The following AGBL1 variants were observed in gnomAD, a reference collection of about 807,000 sequenced individuals.
The protein encoded by AGBL1 is AGBL carboxypeptidase 1.
AGBL1 carries 130 observed loss-of-function variants against 118.9 expected under a neutral mutation model. That is an observed-to-expected ratio of 1.09 (90% confidence interval 0.95 to 1.26). AGBL1 has a LOEUF of 1.26. AGBL1 is among the 50% of genes most tolerant of loss of function. The pLI is 0.00. For synonymous variants in AGBL1, 555 were observed against 478.9 expected (o/e 1.16, Z -2.08); for missense variants, 1,584 against 1,298.1 (o/e 1.22, Z -3.38).
At chr15:86,728,057 A>G (rs1403050120) in intron 22 of AGBL1, among the ~76,000 whole-genome samples, 1 of 152,218 alleles carries the variant, frequency 6.6e-6, no homozygotes. Context: ...AGCATGTACA[A>G]TGAACCTATA....
chr15:86,825,883 GGATGGATAGATA>G lies in AGBL1; in HGVS notation c.3159-81200_3159-81189del, dbSNP rs202021376. On this transcript the variant is annotated intron_variant, in intron 22 of 22. Transcript: ENST00000614907. ...GGTAGAAATGTGACAGATGATAGAT[GGATGGATAGATA>G]GATAGATAGATAGATAGATAGATAG... is the stretch of plus-strand genomic sequence containing the variant. 1.3e-3 allele frequency among the ~76,000 whole-genome samples: 148 copies of G among 114,794 alleles called. 2 individuals carry two copies. Among genetic ancestry groups the G allele is most frequent in the Admixed American group, 3.0e-3 (33 of 10,832 alleles). 75.3% of individuals were successfully genotyped at this position (114,794 alleles called of 152,430 possible).
chr15:86,530,374 A>G (rs1596231916), intron 19 of AGBL1, among the ~76,000 whole-genome samples: 1 of 137,232 alleles, frequency 7.3e-6, no homozygotes, highest in East Asian at 2.1e-4. Context: ...GCCATTACAT[A>G]ATGGTAAAGG....
In AGBL1 at chr15:86,278,130, G is replaced by T. The variant is rs147077176; in HGVS notation, c.2076-1509G>T. Among the ~76,000 whole-genome samples, 1,056 of 152,318 alleles carry T rather than the reference G, an allele frequency of 6.9e-3. 9 individuals are homozygous for T. The highest frequency in any genetic ancestry group is 0.01 in the Non-Finnish European group (699 of 68,038). ...AACCAGAGTCATAGCTTTTGGAGAA[G>T]CTTCAGAACTTTGGGGCAATCTGGC... On this transcript the variant is annotated intron_variant, in intron 15 of 22. Coordinates refer to ENST00000614907, the MANE Select transcript of AGBL1 (RefSeq NM_001386094.1).
At chr15:86,676,183 A>C (rs1188256148) in intron 22 of AGBL1, among the ~76,000 whole-genome samples, 1 of 152,188 alleles carries the variant, frequency 6.6e-6, no homozygotes, top group Non-Finnish European at 1.5e-5. Context: ...GGATGTGATT[A>C]ATATGTCTAC....
At chr15:86,759,444 A>C (rs77259102) in intron 22 of AGBL1, among the ~76,000 whole-genome samples, 20,142 of 152,124 alleles carry the variant, frequency 0.13, 1,410 homozygotes, top group East Asian at 0.23. Flanking sequence ...TAAACAAGGT[A>C]AGCTAGGCAA....
At chr15:86,504,883 G>A (rs1285980438) in intron 18 of AGBL1, among the ~76,000 whole-genome samples, 1 of 151,558 alleles carries the variant, frequency 6.6e-6, no homozygotes, top group Non-Finnish European at 1.5e-5. Flanking sequence ...GTGGATTCTT[G>A]TTACTGTCTA....
At chr15:86,234,385 T>A (rs1049227674) in intron 6 of AGBL1, among the ~76,000 whole-genome samples, 11 of 151,998 alleles carry the variant, frequency 7.2e-5, no homozygotes, top group Non-Finnish European at 4.4e-5. Context: ...ATCCCGTCTC[T>A]ACTAAAAATA....
chr15:86,617,891 CA>C (rs2055422251), intron 21 of AGBL1, among the ~76,000 whole-genome samples: 1 of 151,906 alleles, frequency 6.6e-6, no homozygotes, highest in African/African-American at 2.4e-5. Flanking sequence ...ATTTCAAAAA[CA>C]AAACATATTA....
At chr15:86,183,644 C>T (rs1008226537) in intron 5 of AGBL1, among the ~76,000 whole-genome samples, 1 of 152,190 alleles carries the variant, frequency 6.6e-6, no homozygotes, top group Non-Finnish European at 1.5e-5. Context: ...AAGAGCCAGC[C>T]TCAGACCTCT....
chr15:86,467,309 G>A (rs534603508), intron 18 of AGBL1, among the ~76,000 whole-genome samples: 10 of 152,252 alleles, frequency 6.6e-5, no homozygotes, highest in South Asian at 2.1e-4. Context: ...CAGCAATGGC[G>A]GACACTCCTC....
chr15:86,651,942 A>T (rs926600202), intron 21 of AGBL1, among the ~76,000 whole-genome samples: 6 of 152,128 alleles, frequency 3.9e-5, no homozygotes, highest in East Asian at 3.9e-4. Flanking sequence ...AGTGTCATTG[A>T]GATGGGGGTA....
At chr15:86,128,203 G>C (rs370076737) in intron 1 of AGBL1, among the ~76,000 whole-genome samples, 16 of 152,126 alleles carry the variant, frequency 1.1e-4, no homozygotes, top group African/African-American at 3.9e-4. Flanking sequence ...TGGCTGGGGA[G>C]TCTTCACACT....
intron 22 of AGBL1, among the ~76,000 whole-genome samples, chr15:86,789,943 C>G (rs746189411): frequency 6.6e-6 from 1 of 152,092 alleles, no homozygotes; most frequent in African/African-American, 2.4e-5. Flanking sequence ...GAAACTCCAC[C>G]GTCAGTAACA....
chr15:86,411,954 G>A (rs563456986), intron 18 of AGBL1, among the ~76,000 whole-genome samples: 52 of 152,220 alleles, frequency 3.4e-4, no homozygotes, highest in Non-Finnish European at 6.3e-4. Flanking sequence ...TTAGGGATTG[G>A]TTGTTATTGG....
intron 22 of AGBL1, among the ~76,000 whole-genome samples, chr15:86,853,134 C>A (rs539933826): frequency 6.6e-6 from 1 of 152,208 alleles, no homozygotes; most frequent in South Asian, 2.1e-4. Context: ...ATTCTGACAA[C>A]TCCCCAGATG....
In AGBL1 at chr15:86,211,271, C is replaced by G. The variant is rs544996855; in HGVS notation, c.489-13643C>G. Among the ~76,000 whole-genome samples the G allele has an allele frequency of 2.0e-5, 3 of 152,332 alleles. No homozygotes were observed. In the East Asian group the frequency reaches 5.8e-4, roughly 29 times the overall value. On this transcript the variant is annotated intron_variant, in intron 5 of 22. Coordinates refer to ENST00000614907, the MANE Select transcript of AGBL1 (RefSeq NM_001386094.1). Reference sequence around the variant, plus strand: ...AGTTGGCCCCTACTGGGAGGTGTCTCCCAGTTAGGCTACACAGGGGTCAGG... The same window carrying G: ...AGTTGGCCCCTACTGGGAGGTGTCTGCCAGTTAGGCTACACAGGGGTCAGG...
At chr15:86,682,176 G>A (rs545371513) in intron 22 of AGBL1, among the ~76,000 whole-genome samples, 1 of 152,202 alleles carries the variant, frequency 6.6e-6, no homozygotes, top group Admixed American at 6.6e-5. Context: ...CTACATGTTG[G>A]GAAATGTTGG....
chr15:86,501,510 G>T (rs1442178140), intron 18 of AGBL1, among the ~76,000 whole-genome samples: 1 of 151,490 alleles, frequency 6.6e-6, no homozygotes, highest in Non-Finnish European at 1.5e-5. Context: ...TTATATCTAA[G>T]AAACCATACC....
At chr15:86,298,020 A>T (rs377053652) in intron 17 of AGBL1, among the ~76,000 whole-genome samples, 1 of 151,876 alleles carries the variant, frequency 6.6e-6, no homozygotes, top group South Asian at 2.1e-4. Context: ...CTTGCTCACA[A>T]CGAATTTTAT....
Sources: allele counts gnomAD v4.1 joint callset (sites outside exome capture counted in the v4.1 genomes callset), GRCh38; gene constraint gnomAD v4.1.1; transcripts MANE v1.5; gene names NCBI Gene and HGNC (gene_info 2026-07-23, HGNC 2026-07-21).